The following TET2 variants were observed in gnomAD, a reference collection of about 807,000 sequenced individuals.
The protein encoded by TET2 is methylcytosine dioxygenase TET2.
Under a neutral mutation model 142.9 loss-of-function variants are expected in TET2, and 299 were observed. That is an observed-to-expected ratio of 2.09 (90% CI 1.90 to 2.30). The LOEUF (loss-of-function observed/expected upper bound fraction) is 2.30, where lower values mean the gene tolerates loss of function less well. Ranked by LOEUF, TET2 falls within the 30% of genes most tolerant of loss-of-function variation. The pLI is 0.00. For synonymous variants in TET2, 819 were observed against 849.0 expected (o/e 0.96, Z 0.61); for missense variants, 2,418 against 2,378.0 (o/e 1.02, Z -0.35).
chr4:105,147,454 T>C (rs1723079201), intron 1 of TET2: 1 of 152,240 alleles, frequency 6.6e-6, no homozygotes, highest in African/African-American at 2.4e-5. Context: ...TTTCGACCCT[T>C]TTATCAGCTG....
At chr4:105,273,707 TGA>T (rs555585065) in intron 10 of TET2, among the ~76,000 whole-genome samples, 41 of 151,636 alleles carry the variant, frequency 2.7e-4, no homozygotes, top group South Asian at 2.3e-3. Context: ...AAAATATGAT[TGA>T]GAGAGAGAGA....
chr4:105,265,239 G>T (rs1730630340), intron 8 of TET2, among the ~76,000 whole-genome samples: 1 of 152,148 alleles, frequency 6.6e-6, no homozygotes, highest in Non-Finnish European at 1.5e-5. Flanking sequence ...GCCACATGTG[G>T]TTATTATTTA....
intron 1 of TET2, among the ~76,000 whole-genome samples, chr4:105,182,668 T>G (rs1321059378): frequency 6.6e-6 from 1 of 152,204 alleles, no homozygotes; most frequent in Non-Finnish European, 1.5e-5. Flanking sequence ...AGATAAAAAT[T>G]TCCTTGTTTC....
chr4:105,237,215 AC>A lies in TET2; in HGVS notation c.3275del (p.Pro1092GlnfsTer14). On this transcript the variant is annotated frameshift_variant, in exon 3 of 11. Coordinates refer to ENST00000380013, the MANE Select transcript of TET2 (RefSeq NM_001127208.3). LOFTEE classifies it high-confidence loss of function. ...EQQTTSSEKT[P>X]TKRTAASVLN... ...AGCAAACAACTTCTTCAGAAAAGAC[AC>A]CAACCAAAAGAACAGCTGCTTCTGT... 6.2e-7 allele frequency: 1 copy of A among 1,614,132 alleles called. No homozygotes were observed. The highest frequency in any genetic ancestry group is 8.5e-7 in the Non-Finnish European group (1 of 1,180,024).
intron 1 of TET2, among the ~76,000 whole-genome samples, chr4:105,168,446 A>C (rs1724276166): frequency 1.3e-5 from 2 of 152,084 alleles, no homozygotes; most frequent in South Asian, 4.1e-4. Flanking sequence ...CTTCCTTCAG[A>C]GAGCCACAGG....
chr4:105,247,822 A>G (rs1218337005), intron 6 of TET2, among the ~76,000 whole-genome samples: 2 of 147,236 alleles, frequency 1.4e-5, no homozygotes, highest in Non-Finnish European at 3.0e-5. Flanking sequence ...CCCAGGTTCA[A>G]GCTATTCTCA....
chr4:105,230,068 G>A (rs187728273), intron 2 of TET2, among the ~76,000 whole-genome samples: 1 of 152,072 alleles, frequency 6.6e-6, no homozygotes, highest in Admixed American at 6.5e-5. Flanking sequence ...TTGAGACAGT[G>A]TCTCACTCTG....
chr4:105,229,013 A>G (rs2110615675), intron 2 of TET2, among the ~76,000 whole-genome samples: 1 of 152,338 alleles, frequency 6.6e-6, no homozygotes, highest in East Asian at 1.9e-4. Flanking sequence ...AAAACAAGTG[A>G]AAAAGAAACA....
intron 2 of TET2, among the ~76,000 whole-genome samples, chr4:105,207,993 A>G (rs953619177): frequency 4.6e-5 from 7 of 152,178 alleles, no homozygotes; most frequent in African/African-American, 7.2e-5. Flanking sequence ...TGAAGTGCCT[A>G]TGGGACATAC....
At chr4:105,200,050 T>C (rs1726353907) in intron 2 of TET2, among the ~76,000 whole-genome samples, 1 of 152,170 alleles carries the variant, frequency 6.6e-6, no homozygotes, top group African/African-American at 2.4e-5. Context: ...TTTCCTTTGG[T>C]ATATACCCAG....
chr4:105,166,169 G>C (rs139132228), intron 1 of TET2, among the ~76,000 whole-genome samples: 301 of 152,210 alleles, frequency 2.0e-3, no homozygotes, highest in African/African-American at 7.0e-3. Context: ...CTAGCAGTAT[G>C]GTTGAACATG....
At chr4:105,237,414 GAT>G in intron 3 of TET2, 63 bp downstream of exon 3, 1 of 1,613,944 alleles carries the variant, frequency 6.2e-7, no homozygotes, top group Non-Finnish European at 8.5e-7. Context: ...TTTATCTTCA[GAT>G]ATGGGATTTT....
At chr4:105,225,748 C>T (rs1028375389) in intron 2 of TET2, among the ~76,000 whole-genome samples, 1 of 152,104 alleles carries the variant, frequency 6.6e-6, no homozygotes, top group African/African-American at 2.4e-5. Flanking sequence ...GGATTCAACT[C>T]AGTGCAGCAG....
chr4:105,249,001 C>CTTTTTTT (rs60525299), intron 6 of TET2, among the ~76,000 whole-genome samples: 3 of 131,790 alleles, frequency 2.3e-5, no homozygotes, highest in African/African-American at 2.8e-5. Flanking sequence ...TTTTCTTTTT[C>CTTTTTTT]TTTTTTTTTT....
At chr4:105,233,383 C>CAAAAAAAAAAAAAAAAAAAAAAAAAAAA in intron 2 of TET2, among the ~76,000 whole-genome samples, 1 of 76,148 alleles carries the variant, frequency 1.3e-5, no homozygotes, top group Admixed American at 1.7e-4. Flanking sequence ...GACTCCATCT[C>CAAAAAAAAAAAAAAAAAAAAAAAAAAAA]AAAAAAAAAA....
rs186792031 is a variant in TET2 at position 105,220,051 on chromosome 4, C to T, written c.-46-13846C>T. On this transcript the variant is annotated intron_variant, in intron 2 of 10. Coordinates refer to ENST00000380013, the MANE Select transcript of TET2 (RefSeq NM_001127208.3). Reference sequence around the variant, plus strand: ...GTGTTACTGGTGACTACTAGAGTGCCTGACACATAGAATATGTTCAATAAA... The same window carrying T: ...GTGTTACTGGTGACTACTAGAGTGCTTGACACATAGAATATGTTCAATAAA... Among the ~76,000 whole-genome samples, 381 of 152,150 alleles carry T rather than the reference C, an allele frequency of 2.5e-3. 1 individual carries two copies. Among genetic ancestry groups the T allele is most frequent in the African/African-American group, 8.6e-3 (358 of 41,494 alleles).
chr4:105,212,182 A>C (rs1043691573), intron 2 of TET2, among the ~76,000 whole-genome samples: 1 of 152,204 alleles, frequency 6.6e-6, no homozygotes, highest in South Asian at 2.1e-4. Context: ...CAAGCCATGC[A>C]GTTTTTATCT....
chr4:105,241,581 G>A lies in TET2; in HGVS notation c.3500+152G>A. On this transcript the variant is annotated intron_variant, in intron 4 of 10. Coordinates refer to ENST00000380013, the MANE Select transcript of TET2 (RefSeq NM_001127208.3). Reference sequence around the variant, plus strand: ...TCTAGGGTTGCCAACACTACACACTGTGCTATTCACCAGAGAGTCACAATA... The same window carrying A: ...TCTAGGGTTGCCAACACTACACACTATGCTATTCACCAGAGAGTCACAATA... 3 of 1,394,538 alleles carry A rather than the reference G, an allele frequency of 2.2e-6. No individual in the cohort carries two copies. The South Asian group carries it at 5.4e-5, about 25-fold the overall frequency. The allele number at this position is 1,394,538 out of a possible 1,614,324, so 86.4% of individuals were successfully genotyped here.
intron 2 of TET2, among the ~76,000 whole-genome samples, chr4:105,233,359 G>A (rs554268594): frequency 7.6e-6 from 1 of 130,932 alleles, no homozygotes; most frequent in South Asian, 2.5e-4. Flanking sequence ...ACTCCAGCCT[G>A]GGCAAGAGAG....
Sources: gnomAD v4.1 joint callset for allele counts (sites outside exome capture counted in the v4.1 genomes callset) on GRCh38, gnomAD v4.1.1 for gene constraint, MANE v1.5 for transcripts, NCBI Gene and HGNC (gene_info 2026-07-23, HGNC 2026-07-21) for gene names.